The following ECM2 variants were observed in gnomAD, a reference collection of about 807,000 sequenced individuals.
ECM2 encodes extracellular matrix protein 2, female organ and adipocyte specific.
ECM2 carries 57 observed loss-of-function variants against 67.5 expected under a neutral mutation model. That is an observed-to-expected ratio of 0.84 (90% CI 0.68 to 1.05). The LOEUF is 1.05. Among genes scored for constraint, ECM2 ranks in the 50% least tolerant of loss-of-function variants. The pLI, the probability that ECM2 is intolerant of heterozygous loss-of-function variation, is 0.00. For missense variants in ECM2, 741 were observed against 822.8 expected, an observed-to-expected ratio of 0.90 and a Z score of 1.22; for synonymous variants, 258 against 294.5, an observed-to-expected ratio of 0.88 and a Z score of 1.27.
chr9:92,544,459 G>C, the ECM2 span, among the ~76,000 whole-genome samples: 3 of 152,116 alleles, frequency 2.0e-5, no homozygotes, highest in South Asian at 2.1e-4. Flanking sequence ...CTGGGCAACA[G>C]AGCAAGACTC....
At chr9:92,549,732 A>G in the ECM2 span, among the ~76,000 whole-genome samples, 13 of 152,132 alleles carry the variant, frequency 8.5e-5, no homozygotes, top group South Asian at 2.1e-4. Context: ...CGGATTAGAT[A>G]TCATTTTATC....
chr9:92,501,805 G>A (rs769586322), intron 8 of ECM2, among the ~76,000 whole-genome samples: 2 of 152,174 alleles, frequency 1.3e-5, no homozygotes, highest in Admixed American at 1.3e-4. Context: ...TCCAGGACAC[G>A]CAATCCCAGA....
chr9:92,520,340 T>C (rs1204160064), intron 2 of ECM2, among the ~76,000 whole-genome samples: 1 of 152,118 alleles, frequency 6.6e-6, no homozygotes, highest in African/African-American at 2.4e-5. Context: ...AAGGAAGATA[T>C]GCAGATAGAC....
intron 1 of ECM2, among the ~76,000 whole-genome samples, chr9:92,533,173 G>T (rs192588294): frequency 6.7e-6 from 1 of 150,006 alleles, no homozygotes. Flanking sequence ...GGTGGCACGC[G>T]CGTGTAGTCC....
the ECM2 span, among the ~76,000 whole-genome samples, chr9:92,548,056 A>G: frequency 2.0e-5 from 3 of 152,258 alleles, no homozygotes; most frequent in African/African-American, 4.8e-5. Flanking sequence ...ATAAATTACT[A>G]AAATTATCTT....
At chr9:92,508,573 G>T (rs532385674) in intron 6 of ECM2, among the ~76,000 whole-genome samples, 2 of 152,288 alleles carry the variant, frequency 1.3e-5, no homozygotes, top group African/African-American at 4.8e-5. Context: ...GTTCTAAATT[G>T]CTGACACCCT....
chr9:92,526,010 T>C (rs1021132183), intron 1 of ECM2, among the ~76,000 whole-genome samples: 8 of 152,154 alleles, frequency 5.3e-5, no homozygotes, highest in African/African-American at 1.9e-4. Context: ...TTTATCATTG[T>C]TTTAGAGTAC....
At position 92,522,719 on chromosome 9, in the gene ECM2, T is replaced by C. The variant is rs1047748391; in HGVS notation, c.148A>G (p.Asn50Asp). ...KSSTSHKHRS[N>D]RQLGIQQTTV... is the part of the protein sequence containing the mutation. Reference sequence around the variant, plus strand: ...GTTTGCTGAATTCCAAGCTGTCTGTTTGATCTGTGCTTGTGTGAGGTTGAA... The same window carrying C: ...GTTTGCTGAATTCCAAGCTGTCTGTCTGATCTGTGCTTGTGTGAGGTTGAA... The change falls in exon 2 of 10, where the codon AAC becomes GAC. Residue 50 changes from asparagine (N) to aspartate (D), a missense_variant. By Grantham distance (23) the Asn-to-Asp change is conservative. Transcript: ENST00000344604. 1 of 1,614,188 alleles carries C rather than the reference T, an allele frequency of 6.2e-7. No individual in the cohort carries two copies.
chr9:92,529,354 G>A (rs1364510908), intron 1 of ECM2, among the ~76,000 whole-genome samples: 2 of 152,164 alleles, frequency 1.3e-5, no homozygotes, highest in African/African-American at 4.8e-5. Flanking sequence ...TTCGGTGCTG[G>A]TGGGAATGCA....
the ECM2 span, among the ~76,000 whole-genome samples, chr9:92,549,659 CA>C: frequency 6.3e-4 from 47 of 74,148 alleles, no homozygotes; most frequent in African/African-American, 4.5e-3. Context: ...AAAAAAAAAA[CA>C]AAACAAAACA....
intron 6 of ECM2, among the ~76,000 whole-genome samples, chr9:92,509,530 A>G (rs922297002): frequency 2.0e-5 from 3 of 152,242 alleles, no homozygotes; most frequent in Non-Finnish European, 2.9e-5. Flanking sequence ...GGCACTGGTT[A>G]GTCGCTACAA....
chr9:92,554,703 T>C, the ECM2 span, among the ~76,000 whole-genome samples: 3 of 152,096 alleles, frequency 2.0e-5, no homozygotes, highest in Non-Finnish European at 4.4e-5. Context: ...AGTGGCACAA[T>C]CTCGGTTTAC....
At chr9:92,546,702 C>G in the ECM2 span, among the ~76,000 whole-genome samples, 2 of 152,136 alleles carry the variant, frequency 1.3e-5, no homozygotes, top group Admixed American at 1.3e-4. Context: ...TTCTTGAAGT[C>G]AGTGAGACCA....
chr9:92,505,669 A>G lies in ECM2; in HGVS notation c.1328T>C (p.Leu443Ser), dbSNP rs770342013. 2 of 1,593,122 alleles carry G rather than the reference A, an allele frequency of 1.3e-6. No homozygotes were observed. Among genetic ancestry groups the G allele is most frequent in the African/African-American group, 2.7e-5 (2 of 73,546 alleles). Residue 443 changes from leucine (L) to serine (S), a missense_variant, in exon 7 of 10, where the codon TTA (leucine) becomes TCA (serine). Leu to Ser is a moderately radical substitution (Grantham distance 145, BLOSUM62 -2). Coordinates refer to ENST00000344604, the MANE Select transcript of ECM2 (RefSeq NM_001393.4). The stretch of plus-strand genomic sequence containing the variant: ...ACTGAGATTGTTTCCTTCCAATTCT[A>G]AGGTGACCAACTGATTTAAGTCTAT... ...SLSDLNQLVT[L>S]ELEGNNLSEA...
Position 92,517,847 on chromosome 9 carries a change from G to A in ECM2, c.321C>T (p.Gly107=), listed in dbSNP as rs1313983689. The A allele has an allele frequency of 1.9e-6, 3 of 1,614,024 alleles. No individual in the cohort carries two copies. The African/African-American group carries it at 4.0e-5, about 22-fold the overall frequency. ...PGKKGHCLVK[G]ITMYNKAVWS... ...ACACAGCTTTGTTGTACATGGTTAT[G>A]CCCTTTACCAAACAGTGTCCCTTCT... Residue 107 remains glycine, a synonymous_variant, in exon 3 of 10, where the codon GGC becomes GGT. Transcript: ENST00000344604.
At chr9:92,508,530 C>T (rs1847146245) in intron 6 of ECM2, among the ~76,000 whole-genome samples, 2 of 152,166 alleles carry the variant, frequency 1.3e-5, no homozygotes, top group Non-Finnish European at 2.9e-5. Context: ...GTGTGACTGA[C>T]TTATAGTTCA....
rs79320221 is a variant in ECM2 at position 92,533,443 on chromosome 9, C to T, written c.-28+2490G>A. 4.6e-3 allele frequency among the ~76,000 whole-genome samples: 681 copies of T among 146,722 alleles called. 4 individuals carry two copies. The highest frequency in any genetic ancestry group is 0.015 in the African/African-American group (583 of 39,616). ...TTGTTTGTTTGTTTCTCTCTGTCCT[C>T]CTGAGGCTGTTTTAAAACTCTATTA... On this transcript the variant is annotated intron_variant, in intron 1 of 9. Coordinates refer to ENST00000344604, the MANE Select transcript of ECM2 (RefSeq NM_001393.4).
In ECM2 at chr9:92,496,065, C is replaced by T; in HGVS notation, c.*250G>A. 9.1e-7 allele frequency: 1 copy of T among 1,100,882 alleles called. No individual in the cohort carries two copies. The highest frequency in any genetic ancestry group is 1.1e-6 in the Non-Finnish European group (1 of 906,560). The allele number at this position is 1,100,882 out of a possible 1,614,324, so 68.2% of individuals were successfully genotyped here. On this transcript the variant is annotated 3_prime_UTR_variant, in exon 10 of 10. Coordinates refer to ENST00000344604, the MANE Select transcript of ECM2 (RefSeq NM_001393.4). ...GGTCTAGCTCAGTATGCATAATATC[C>T]TATTCTAGTGAGATGGCCTCTTTCT...
intron 1 of ECM2, 108 bp from the exon 2 acceptor site, chr9:92,523,001 C>T (rs1282440253): frequency 9.5e-7 from 1 of 1,048,584 alleles, no homozygotes; most frequent in Non-Finnish European, 1.3e-6. Flanking sequence ...TGAGAAATTA[C>T]ACTTATGATA....
Sources: gnomAD v4.1 joint callset for allele counts (sites outside exome capture counted in the v4.1 genomes callset) on GRCh38, gnomAD v4.1.1 for gene constraint, MANE v1.5 for transcripts, NCBI Gene and HGNC (gene_info 2026-07-23, HGNC 2026-07-21) for gene names.